The following ERBB4 variants were observed in gnomAD, a reference collection of about 807,000 sequenced individuals.
ERBB4 encodes receptor tyrosine-protein kinase erbB-4.
A neutral mutation model predicts 158.0 loss-of-function variants in ERBB4; 42 were observed. The observed-to-expected ratio is 0.27, with a 90% CI of 0.21 to 0.34. The LOEUF (loss-of-function observed/expected upper bound fraction) is 0.34. Ranked by LOEUF, ERBB4 falls within the 10% of genes least tolerant of loss-of-function variation. The pLI, the probability that ERBB4 is intolerant of heterozygous loss-of-function variation, is 1.00. For missense variants in ERBB4, 1,333 were observed against 1,624.1 expected (o/e 0.82, Z 3.08); for synonymous variants, 583 against 558.7 (o/e 1.04, Z -0.61).
At chr2:211,849,455 T>C (rs1011231116) in intron 3 of ERBB4, among the ~76,000 whole-genome samples, 8 of 151,970 alleles carry the variant, frequency 5.3e-5, no homozygotes, top group Non-Finnish European at 8.8e-5. Flanking sequence ...ACCCAATTAT[T>C]ATAGTAATAA....
chr2:211,714,667 A>G (rs1559449070), intron 7 of ERBB4, among the ~76,000 whole-genome samples: 2 of 152,186 alleles, frequency 1.3e-5, no homozygotes, highest in Non-Finnish European at 2.9e-5. Context: ...CATTTAATAA[A>G]CAGCTTTTGA....
chr2:212,045,752 C>T (rs933074725), intron 2 of ERBB4, among the ~76,000 whole-genome samples: 13 of 152,108 alleles, frequency 8.5e-5, no homozygotes, highest in Non-Finnish European at 1.5e-4. Flanking sequence ...CTACTGTGTC[C>T]AAGAATAGCT....
chr2:211,484,382 A>G (rs1257994204), intron 20 of ERBB4, among the ~76,000 whole-genome samples: 1 of 152,200 alleles, frequency 6.6e-6, no homozygotes, highest in African/African-American at 2.4e-5. Context: ...TACATCAATG[A>G]TCACATTAAA....
chr2:211,531,492 G>A (rs1244282750), intron 20 of ERBB4, among the ~76,000 whole-genome samples: 1 of 151,986 alleles, frequency 6.6e-6, no homozygotes, highest in Non-Finnish European at 1.5e-5. Context: ...TCAAAAAATG[G>A]GCAATAGATC....
intron 3 of ERBB4, among the ~76,000 whole-genome samples, chr2:211,881,362 CT>C (rs1314666473): frequency 6.6e-6 from 1 of 152,040 alleles, no homozygotes; most frequent in African/African-American, 2.4e-5. Flanking sequence ...TATTTTTTTG[CT>C]AACAAAGAGC....
chr2:212,418,471 C>T (rs920562690), intron 1 of ERBB4, among the ~76,000 whole-genome samples: 1 of 150,988 alleles, frequency 6.6e-6, no homozygotes, highest in Non-Finnish European at 1.5e-5. Context: ...AATTTTCACA[C>T]TAGTTTTATT....
chr2:212,349,812 T>G (rs1269348794), intron 1 of ERBB4, among the ~76,000 whole-genome samples: 1 of 152,082 alleles, frequency 6.6e-6, no homozygotes, highest in Non-Finnish European at 1.5e-5. Flanking sequence ...AACTATATCT[T>G]ATAGTTGCTC....
At chr2:212,449,784 C>T (rs1170983651) in intron 1 of ERBB4, among the ~76,000 whole-genome samples, 1 of 151,906 alleles carries the variant, frequency 6.6e-6, no homozygotes, top group African/African-American at 2.4e-5. Flanking sequence ...AGGTACCAGG[C>T]TTGGATAAAC....
chr2:211,750,891 T>TA (rs2075112417), intron 4 of ERBB4, among the ~76,000 whole-genome samples, 187 bp from the exon 5 acceptor site: 1 of 152,176 alleles, frequency 6.6e-6, no homozygotes, highest in South Asian at 2.1e-4. Flanking sequence ...TATGTGAAAC[T>TA]AAAGTACAAC....
intron 1 of ERBB4, among the ~76,000 whole-genome samples, chr2:212,316,276 A>T (rs999590984): frequency 6.6e-6 from 1 of 151,438 alleles, no homozygotes; most frequent in Non-Finnish European, 1.5e-5. Flanking sequence ...GCCCACATGC[A>T]TGTACACACA....
At chr2:211,594,235 G>A (rs529404588) in intron 19 of ERBB4, among the ~76,000 whole-genome samples, 132 of 152,174 alleles carry the variant, frequency 8.7e-4, no homozygotes, top group African/African-American at 2.9e-3. Flanking sequence ...TCAGGAATTT[G>A]AGACCAGCCT....
In ERBB4 at chr2:211,383,610, T is replaced by C. The variant is rs1426539535; in HGVS notation, c.*5A>G. ...GTCTCTCCACCTAAAAAACCACAAC[T>C]GAGCTTACACCACAGTATTCCGGTG... On this transcript the variant is annotated 3_prime_UTR_variant, in exon 28 of 28. Coordinates refer to ENST00000342788, the MANE Select transcript of ERBB4 (RefSeq NM_005235.3). 6.2e-7 allele frequency: 1 copy of C among 1,611,882 alleles called. No individual in the cohort carries two copies. The highest frequency in any genetic ancestry group is 8.5e-7 in the Non-Finnish European group (1 of 1,179,470).
intron 2 of ERBB4, among the ~76,000 whole-genome samples, chr2:212,000,542 C>T (rs545168444): frequency 1.3e-5 from 2 of 151,660 alleles, no homozygotes; most frequent in Non-Finnish European, 3.0e-5. Context: ...TGTTTTATGG[C>T]AAATAACTGC....
At chr2:212,283,698 AG>A (rs1035528938) in intron 1 of ERBB4, among the ~76,000 whole-genome samples, 1 of 152,080 alleles carries the variant, frequency 6.6e-6, no homozygotes, top group African/African-American at 2.4e-5. Context: ...TCAAGCATAC[AG>A]ATCCTGATTT....
At chr2:211,403,095 C>T (rs1015326206) in intron 25 of ERBB4, among the ~76,000 whole-genome samples, 1 of 151,846 alleles carries the variant, frequency 6.6e-6, no homozygotes, top group Non-Finnish European at 1.5e-5. Context: ...AAAGAGGCTC[C>T]ACCTCTACTC....
intron 2 of ERBB4, among the ~76,000 whole-genome samples, chr2:212,020,483 C>T (rs1322568339): frequency 6.6e-6 from 1 of 151,910 alleles, no homozygotes. Flanking sequence ...GTTTTTTCAA[C>T]ATGTATTTTA....
At chr2:212,327,733 T>TA (rs1269282485) in intron 1 of ERBB4, among the ~76,000 whole-genome samples, 1 of 149,170 alleles carries the variant, frequency 6.7e-6, no homozygotes, top group Non-Finnish European at 1.5e-5. Flanking sequence ...TTTTTCTTTT[T>TA]TTTTTTTTGT....
intron 5 of ERBB4, among the ~76,000 whole-genome samples, chr2:211,745,248 G>A (rs1432460785): frequency 1.3e-5 from 2 of 152,096 alleles, no homozygotes; most frequent in Non-Finnish European, 2.9e-5. Context: ...ATATTGTTAT[G>A]GAATCTCTCG....
chr2:211,812,545 T>C (rs113936523), intron 3 of ERBB4, among the ~76,000 whole-genome samples: 51 of 152,294 alleles, frequency 3.3e-4, no homozygotes, highest in East Asian at 1.9e-4. Context: ...GCTCAAACAC[T>C]TTGCTGGAAG....
Sources: gnomAD v4.1 joint callset for allele counts (sites outside exome capture counted in the v4.1 genomes callset) on GRCh38, gnomAD v4.1.1 for gene constraint, MANE v1.5 for transcripts, NCBI Gene and HGNC (gene_info 2026-07-23, HGNC 2026-07-21) for gene names.